The following LMTK2 variants were observed in gnomAD, a reference collection of about 807,000 sequenced individuals.
LMTK2 encodes the protein lemur tail kinase 2, also known as serine/threonine-protein kinase LMTK2.
A neutral mutation model predicts 127.5 loss-of-function variants in LMTK2; 37 were observed. The ratio of observed to expected loss-of-function variants is 0.29; its 90% CI spans 0.22 to 0.38. The LOEUF (loss-of-function observed/expected upper bound fraction) is 0.38. Ranked by LOEUF, LMTK2 falls within the 10% of genes least tolerant of loss-of-function variation. LMTK2 has a pLI of 1.00. For missense variants in LMTK2, 1,694 were observed against 1,920.3 expected (o/e 0.88, Z 2.20); for synonymous variants, 819 against 810.1 (o/e 1.01, Z -0.19).
At chr7:98,137,164 T>G in intron 1 of LMTK2, 151 bp from the exon 2 acceptor site, 1 of 676,394 alleles carries the variant, frequency 1.5e-6, no homozygotes, top group Non-Finnish European at 2.4e-6. Context: ...AAACAGCAGC[T>G]TCTTATCCTG....
intron 6 of LMTK2, among the ~76,000 whole-genome samples, chr7:98,164,623 G>A (rs1797064959): frequency 6.6e-6 from 1 of 152,194 alleles, no homozygotes; most frequent in Non-Finnish European, 1.5e-5. Flanking sequence ...TGGGTAGTGC[G>A]TATAGAAGTA....
At chr7:98,118,580 TG>T (rs780499389) in intron 1 of LMTK2, among the ~76,000 whole-genome samples, 38 of 152,146 alleles carry the variant, frequency 2.5e-4, no homozygotes, top group Non-Finnish European at 4.4e-4. Context: ...TAGAGTGAAG[TG>T]GTATAGTGGA....
rs570314330 is a variant in LMTK2 at position 98,193,210 on chromosome 7, G to T, written c.2745G>T (p.Gly915=). 1.3e-5 allele frequency: 21 copies of T among 1,613,766 alleles called. No individual in the cohort carries two copies. The Admixed American group carries it at 3.5e-4, about 27-fold the overall frequency. The change falls in exon 11 of 14, where the codon GGG becomes GGT. Residue 915 remains glycine, a synonymous_variant. Transcript: ENST00000297293. This position sits in a 1 kb window ranked among gnomAD's most constrained non-coding sequence, Gnocchi z 4.1. ...DDILASRVSV[G]SSLPELGQEL... The stretch of plus-strand genomic sequence containing the variant: ...TCCTTGCCAGCAGGGTGAGTGTAGG[G>T]AGTAGTCTCCCGGAACTGGGACAGG...
chr7:98,158,339 G>T (rs1377460533), intron 5 of LMTK2, among the ~76,000 whole-genome samples: 1 of 152,168 alleles, frequency 6.6e-6, no homozygotes, highest in Non-Finnish European at 1.5e-5. Flanking sequence ...CAGTGGTGTA[G>T]TCATGGCTCA....
chr7:98,152,009 A>G (rs745807198), intron 4 of LMTK2, among the ~76,000 whole-genome samples: 1 of 152,218 alleles, frequency 6.6e-6, no homozygotes, highest in Non-Finnish European at 1.5e-5. Flanking sequence ...AGACTTTTCT[A>G]ATTGTTGACA....
Position 98,107,216 on chromosome 7 carries a change from G to A in LMTK2, c.39G>A (p.Leu13=). The A allele has an allele frequency of 6.8e-7, 1 of 1,465,134 alleles. No homozygotes were observed. Among genetic ancestry groups the A allele is most frequent in the Middle Eastern group, 2.3e-4 (1 of 4,258 alleles). 90.8% of individuals were successfully genotyped at this position (1,465,134 alleles called of 1,614,324 possible). A position where few individuals can be genotyped will look rare whatever the true frequency, so the allele number is the denominator to read the frequency against. Residue 13 remains leucine, a synonymous_variant, in exon 1 of 14, where the codon CTG becomes CTA. Coordinates refer to ENST00000297293, the MANE Select transcript of LMTK2 (RefSeq NM_014916.4). ...GPPALRRRLL[L]LLLVLLIAGS... ...CGGCGTTGCGGCGGAGGCTGCTGCTGCTGCTGCTGGTCCTCCTGATCGCCG... is the reference window on the plus strand; with the variant it reads ...CGGCGTTGCGGCGGAGGCTGCTGCTACTGCTGCTGGTCCTCCTGATCGCCG...
chr7:98,139,526 G>A (rs747598083), intron 2 of LMTK2, among the ~76,000 whole-genome samples: 1 of 152,138 alleles, frequency 6.6e-6, no homozygotes, highest in Non-Finnish European at 1.5e-5. Context: ...TTATTTTAAG[G>A]TAGGAGTGAT....
chr7:98,110,949 T>C (rs905321170), intron 1 of LMTK2, among the ~76,000 whole-genome samples: 1 of 152,246 alleles, frequency 6.6e-6, no homozygotes, highest in African/African-American at 2.4e-5. Flanking sequence ...GGAAATGCTT[T>C]CTAAAGTATG....
intron 6 of LMTK2, among the ~76,000 whole-genome samples, chr7:98,161,248 G>A (rs1447110003): frequency 1.3e-5 from 2 of 151,574 alleles, no homozygotes; most frequent in East Asian, 1.9e-4. Context: ...TTAATTTTTT[G>A]TGTGGTCGCA....
chr7:98,190,943 A>C, intron 10 of LMTK2, 66 bp downstream of exon 10: 1 of 1,489,002 alleles, frequency 6.7e-7, no homozygotes, highest in Non-Finnish European at 9.2e-7. Flanking sequence ...AAAACACAAA[A>C]AAATTCGTGG....
chr7:98,137,473 G>A (rs1373131516), intron 2 of LMTK2, 31 bp downstream of exon 2: 1 of 1,591,304 alleles, frequency 6.3e-7, no homozygotes, highest in African/African-American at 1.4e-5. Flanking sequence ...CATTTAAAAT[G>A]GTCTTCCAAT....
intron 1 of LMTK2, among the ~76,000 whole-genome samples, chr7:98,123,439 A>C (rs927103519): frequency 1.3e-5 from 2 of 151,962 alleles, no homozygotes; most frequent in Non-Finnish European, 1.5e-5. Flanking sequence ...TCAGCAGCTT[A>C]AATCTCCTCT....
At chr7:98,195,533 G>A (rs1196484971) in intron 11 of LMTK2, among the ~76,000 whole-genome samples, 2 of 152,060 alleles carry the variant, frequency 1.3e-5, no homozygotes, top group Non-Finnish European at 2.9e-5. Flanking sequence ...TTTGCTGCTT[G>A]CATCAGCTGG....
At chr7:98,135,964 T>G (rs1796589491) in intron 1 of LMTK2, among the ~76,000 whole-genome samples, 1 of 151,956 alleles carries the variant, frequency 6.6e-6, no homozygotes, top group Admixed American at 6.6e-5. Context: ...GGCTGTAGTC[T>G]GCAGGCCGCC....
chr7:98,123,704 T>TACACAC (rs143477267), intron 1 of LMTK2, among the ~76,000 whole-genome samples: 2 of 150,520 alleles, frequency 1.3e-5, no homozygotes, highest in East Asian at 2.0e-4. Flanking sequence ...TTTTCATATA[T>TACACAC]ACACACACAC....
Position 98,197,463 on chromosome 7 carries a change from A to G in LMTK2, c.4107+2891A>G, listed in dbSNP as rs548378644. On this transcript the variant is annotated intron_variant, in intron 11 of 13. Transcript: ENST00000297293. Reference sequence around the variant, plus strand: ...TTTAGCACTTGCGATGTCCTTCCTCAGTGCACAGTGTTCTTGAGACAAAAG... The same window carrying G: ...TTTAGCACTTGCGATGTCCTTCCTCGGTGCACAGTGTTCTTGAGACAAAAG... Among the ~76,000 whole-genome samples, 5 of 152,328 alleles carry G rather than the reference A, an allele frequency of 3.3e-5. No individual in the cohort carries two copies. In the South Asian group the frequency reaches 1.0e-3, roughly 32 times the overall value.
rs560765807 is a variant in LMTK2 at position 98,209,390 on chromosome 7, C to A, written c.*3898C>A. Reference sequence around the variant, plus strand: ...TGGGGCTGGTGTATGGATCCACCGTCGGATTCCGTCTGCAGAGGAGGACGT... The same window carrying A: ...TGGGGCTGGTGTATGGATCCACCGTAGGATTCCGTCTGCAGAGGAGGACGT... On this transcript the variant is annotated 3_prime_UTR_variant, in exon 14 of 14. Coordinates refer to ENST00000297293, the MANE Select transcript of LMTK2 (RefSeq NM_014916.4). 1 of 152,196 alleles carries A rather than the reference C, an allele frequency of 6.6e-6. No individual in the cohort carries two copies. The allele number at this position is 152,196 out of a possible 1,614,324, so 9.4% of individuals were successfully genotyped here.
chr7:98,120,322 C>A (rs1023518608), intron 1 of LMTK2, among the ~76,000 whole-genome samples: 2 of 152,074 alleles, frequency 1.3e-5, no homozygotes, highest in African/African-American at 4.8e-5. Flanking sequence ...ACTTTGTTTT[C>A]CCTGTTTTTG....
At chr7:98,140,409 C>T (rs1796679069) in intron 2 of LMTK2, among the ~76,000 whole-genome samples, 1 of 152,032 alleles carries the variant, frequency 6.6e-6, no homozygotes, top group Admixed American at 6.6e-5. Context: ...GCCTCAGCTT[C>T]CCAAAGTGCT....
Sources: allele counts gnomAD v4.1 joint callset (sites outside exome capture counted in the v4.1 genomes callset), GRCh38; gene constraint gnomAD v4.1.1; non-coding constraint Gnocchi (gnomAD v3.1); transcripts MANE v1.5; gene names NCBI Gene and HGNC (gene_info 2026-07-23, HGNC 2026-07-21).